Variants in SGCG observed in about 807,000 individuals in gnomAD.
The protein encoded by SGCG is sarcoglycan gamma, also known as gamma-sarcoglycan.
SGCG carries 26 observed loss-of-function variants against 29.3 expected under a neutral mutation model. That is an observed-to-expected ratio of 0.89 (90% CI 0.65 to 1.23). The LOEUF (loss-of-function observed/expected upper bound fraction) is 1.23. SGCG is among the 50% of genes most tolerant of loss of function. The pLI is 0.00. For synonymous variants in SGCG, 145 were observed against 129.7 expected (o/e 1.12, Z -0.80); for missense variants, 353 against 356.0 (o/e 0.99, Z 0.07).
chr13:23,302,080 C>A (rs1882183361), intron 6 of SGCG, among the ~76,000 whole-genome samples: 1 of 151,510 alleles, frequency 6.6e-6, no homozygotes. Flanking sequence ...TATTTGATGC[C>A]CACCATCAAA....
At chr13:23,300,648 A>G (rs533435523) in intron 6 of SGCG, among the ~76,000 whole-genome samples, 1 of 152,236 alleles carries the variant, frequency 6.6e-6, no homozygotes, top group African/African-American at 2.4e-5. Flanking sequence ...TTCACGGTAT[A>G]GGAACTCCGA....
At chr13:23,170,360 T>C in the SGCG span, among the ~76,000 whole-genome samples, 1 of 152,214 alleles carries the variant, frequency 6.6e-6, no homozygotes, top group African/African-American at 2.4e-5. Context: ...GTGAGGGTAG[T>C]ATACACACAT....
chr13:23,174,444 C>T, the SGCG span, among the ~76,000 whole-genome samples: 22 of 152,154 alleles, frequency 1.4e-4, no homozygotes, highest in Admixed American at 3.3e-4. Flanking sequence ...AGTCATGATC[C>T]AACCATGACA....
the SGCG span, among the ~76,000 whole-genome samples, chr13:23,173,655 T>A: frequency 1.2e-4 from 18 of 152,328 alleles, no homozygotes; most frequent in East Asian, 2.7e-3. Context: ...AAATTTCTGG[T>A]CAAGGTAAAG....
rs544881446 is a variant in SGCG at position 23,213,345 on chromosome 13, G to A, written c.195+9456G>A. ...AAAAATATAAAAATTAGCTGGGCGT[G>A]GTGGCACGTGCCTGTGATCTCAGCT... is the stretch of plus-strand genomic sequence containing the variant. On this transcript the variant is annotated intron_variant, in intron 2 of 7. Coordinates refer to ENST00000218867, the MANE Select transcript of SGCG (RefSeq NM_000231.3). 1.5e-4 allele frequency among the ~76,000 whole-genome samples: 23 copies of A among 152,234 alleles called. No individual in the cohort carries two copies. In the South Asian group the frequency reaches 4.6e-3, roughly 30 times the overall value.
intron 7 of SGCG, among the ~76,000 whole-genome samples, chr13:23,322,895 G>A (rs1477643010): frequency 6.6e-6 from 1 of 151,844 alleles, no homozygotes; most frequent in Non-Finnish European, 1.5e-5. Context: ...TTGAATTCAG[G>A]ACTCTTATCC....
intron 3 of SGCG, among the ~76,000 whole-genome samples, chr13:23,237,370 G>C (rs554647525): frequency 6.6e-6 from 1 of 152,192 alleles, no homozygotes; most frequent in African/African-American, 2.4e-5. Flanking sequence ...ATGATCATCT[G>C]TGAAGTTCTC....
At chr13:23,251,762 G>A (rs559030315) in intron 4 of SGCG, among the ~76,000 whole-genome samples, 41 of 152,112 alleles carry the variant, frequency 2.7e-4, no homozygotes, top group African/African-American at 9.9e-4. Context: ...GAATAACGAA[G>A]ATATATATAT....
intron 4 of SGCG, among the ~76,000 whole-genome samples, chr13:23,276,660 G>A (rs954463600): frequency 6.6e-6 from 1 of 152,166 alleles, no homozygotes; most frequent in Admixed American, 6.5e-5. Context: ...GCGAACTCCT[G>A]ATGAGCTCAG....
At chr13:23,261,543 C>A (rs1250502779) in intron 4 of SGCG, among the ~76,000 whole-genome samples, 2 of 151,860 alleles carry the variant, frequency 1.3e-5, no homozygotes, top group African/African-American at 2.4e-5. Context: ...TCTTAGGTGT[C>A]CTGAGAGAAA....
intron 2 of SGCG, among the ~76,000 whole-genome samples, chr13:23,212,392 A>ATTTTTGTTCATATACCTTTTT (rs74387559): frequency 0.3 from 46,191 of 151,568 alleles, 7,387 homozygotes; most frequent in Middle Eastern, 0.48. Context: ...GCACACCACA[A>ATTTTTGTTCATATACCTTTTT]TTTTCTGGTT....
At chr13:23,309,277 T>TG (rs1010496080) in intron 6 of SGCG, among the ~76,000 whole-genome samples, 1 of 152,042 alleles carries the variant, frequency 6.6e-6, no homozygotes, top group Non-Finnish European at 1.5e-5. Context: ...AAGAGGAAGA[T>TG]GGGGTCTTGT....
chr13:23,248,213 AT>A (rs1204015073), intron 3 of SGCG, among the ~76,000 whole-genome samples: 1 of 151,232 alleles, frequency 6.6e-6, no homozygotes, highest in Non-Finnish European at 1.5e-5. Flanking sequence ...TCAAAAAAAA[AT>A]TTTTTTAATT....
chr13:23,285,547 C>A (rs1232624981), intron 5 of SGCG, among the ~76,000 whole-genome samples: 1 of 152,186 alleles, frequency 6.6e-6, no homozygotes, highest in Non-Finnish European at 1.5e-5. Flanking sequence ...TACTAGGCTC[C>A]ATGGGGATGG....
the SGCG span, among the ~76,000 whole-genome samples, chr13:23,166,740 C>T: frequency 6.6e-6 from 1 of 152,218 alleles, no homozygotes; most frequent in African/African-American, 2.4e-5. Flanking sequence ...TCAGTGTTAG[C>T]TCGTGTGTCA....
intron 6 of SGCG, among the ~76,000 whole-genome samples, chr13:23,316,778 G>C (rs1566045996): frequency 6.6e-6 from 1 of 152,190 alleles, no homozygotes. Flanking sequence ...CTGCCACCAG[G>C]AGACACAACA....
intron 5 of SGCG, among the ~76,000 whole-genome samples, chr13:23,281,878 T>G (rs1356692280): frequency 1.3e-5 from 2 of 152,210 alleles, no homozygotes; most frequent in African/African-American, 4.8e-5. Flanking sequence ...CACAGGCCAG[T>G]ATCCGTCTAT....
chr13:23,179,275 A>T (rs2137461636), upstream of SGCG, among the ~76,000 whole-genome samples: 1 of 152,356 alleles, frequency 6.6e-6, no homozygotes, highest in Non-Finnish European at 1.5e-5. Flanking sequence ...TGATAAAATC[A>T]AAGGCTTCTT....
intron 7 of SGCG, among the ~76,000 whole-genome samples, chr13:23,324,005 G>T (rs577836609): frequency 7.2e-5 from 11 of 152,252 alleles, no homozygotes; most frequent in Non-Finnish European, 1.6e-4. Context: ...TCTGAAAGGC[G>T]TTTTGAGAAG....
Sources: allele counts gnomAD v4.1 joint callset (sites outside exome capture counted in the v4.1 genomes callset), GRCh38; gene constraint gnomAD v4.1.1; transcripts MANE v1.5; gene names NCBI Gene and HGNC (gene_info 2026-07-23, HGNC 2026-07-21).